Variants in IFT74 observed in about 807,000 individuals in gnomAD.
The protein encoded by IFT74 is intraflagellar transport protein 74 homolog.
In IFT74, 92 loss-of-function variants were observed where a neutral mutation model predicts 96.7. The observed-to-expected ratio is 0.95, with a 90% confidence interval of 0.80 to 1.13. The LOEUF is 1.13. IFT74 is among the 50% of genes most tolerant of loss of function. IFT74 has a pLI of 0.00. For missense variants in IFT74, 811 were observed against 698.2 expected (o/e 1.16, Z -1.82); for synonymous variants, 223 against 213.2 (o/e 1.05, Z -0.40).
intron 16 of IFT74, among the ~76,000 whole-genome samples, chr9:27,053,081 C>T (rs1226906196): frequency 1.3e-5 from 2 of 151,220 alleles, no homozygotes; most frequent in Non-Finnish European, 2.9e-5. Context: ...GCCAGGATGG[C>T]CTCGATCTCC....
chr9:26,998,445 A>G (rs930952518), intron 8 of IFT74, among the ~76,000 whole-genome samples: 6 of 152,176 alleles, frequency 3.9e-5, no homozygotes, highest in African/African-American at 1.2e-4. Context: ...TGATACATAC[A>G]ATTGAACAAA....
intron 8 of IFT74, chr9:26,995,915 T>A: frequency 8.9e-7 from 1 of 1,120,872 alleles, no homozygotes; most frequent in Non-Finnish European, 1.3e-6. Flanking sequence ...TAATCATAAT[T>A]ATATATCCTA....
At chr9:26,996,294 T>A (rs761988889) in intron 8 of IFT74, 28 of 1,450,902 alleles carry the variant, frequency 1.9e-5, no homozygotes, top group Non-Finnish European at 2.5e-5. Context: ...TGTTAATATA[T>A]AGAACCAGTA....
intron 8 of IFT74, chr9:26,996,576 A>G (rs1828172064): frequency 9.7e-7 from 1 of 1,033,612 alleles, no homozygotes; most frequent in Admixed American, 3.7e-5. Context: ...TTTTATCTAG[A>G]ATTTTTGACA....
At chr9:27,031,732 TAAATAAAATAAAATAAAATA>T (rs199561580) in intron 13 of IFT74, among the ~76,000 whole-genome samples, 24 of 127,946 alleles carry the variant, frequency 1.9e-4, no homozygotes, top group East Asian at 7.0e-4. Context: ...AATAAAATAA[TAAATAAAATAAAATAAAATA>T]AAATAAAATA....
intron 2 of IFT74, among the ~76,000 whole-genome samples, chr9:26,976,180 G>A (rs1462862081): frequency 6.6e-6 from 1 of 152,138 alleles, no homozygotes; most frequent in Non-Finnish European, 1.5e-5. Context: ...TGAGGCCACT[G>A]CAATGCGACA....
intron 13 of IFT74, among the ~76,000 whole-genome samples, chr9:27,041,385 T>C (rs1173521227): frequency 6.6e-6 from 1 of 152,154 alleles, no homozygotes; most frequent in East Asian, 1.9e-4. Context: ...CCTTTGAGAA[T>C]AGGGTGGAAA....
upstream of IFT74, among the ~76,000 whole-genome samples, chr9:26,954,761 C>T (rs1483439578): frequency 2.6e-5 from 4 of 151,872 alleles, no homozygotes; most frequent in East Asian, 7.7e-4. Flanking sequence ...GAACTTGAAA[C>T]ACAAGTAGTC....
intron 12 of IFT74, among the ~76,000 whole-genome samples, chr9:27,019,466 T>A (rs1829498520): frequency 6.6e-6 from 1 of 152,066 alleles, no homozygotes; most frequent in South Asian, 2.1e-4. Context: ...TATTGGTATT[T>A]GGCTTTATTT....
At chr9:26,982,075 ATCT>A (rs1050339178) in intron 4 of IFT74, among the ~76,000 whole-genome samples, 43 of 151,496 alleles carry the variant, frequency 2.8e-4, no homozygotes, top group African/African-American at 1.0e-3. Flanking sequence ...GCCAAGAATA[ATCT>A]TCTATGTTTT....
intron 2 of IFT74, among the ~76,000 whole-genome samples, chr9:26,969,522 T>C (rs1054208175): frequency 5.9e-5 from 9 of 152,138 alleles, no homozygotes; most frequent in African/African-American, 2.2e-4. Flanking sequence ...TAAAATCTTC[T>C]GCTAATATGT....
intron 13 of IFT74, among the ~76,000 whole-genome samples, chr9:27,033,573 C>CA (rs558712485): frequency 0.028 from 1,838 of 65,916 alleles, 21 homozygotes; most frequent in African/African-American, 0.045. Context: ...GACCCTGTCT[C>CA]AAAAAAAAAA....
At chr9:27,039,590 G>A (rs1158081974) in intron 13 of IFT74, among the ~76,000 whole-genome samples, 1 of 152,136 alleles carries the variant, frequency 6.6e-6, no homozygotes, top group Non-Finnish European at 1.5e-5. Flanking sequence ...TGTGTAGTTT[G>A]CCCTACAGTG....
chr9:26,965,855 C>T (rs112912833), intron 2 of IFT74, among the ~76,000 whole-genome samples: 3 of 152,094 alleles, frequency 2.0e-5, no homozygotes, highest in Non-Finnish European at 4.4e-5. Flanking sequence ...CATTGTTTAG[C>T]TCCCACTTAT....
intron 18 of IFT74, among the ~76,000 whole-genome samples, chr9:27,056,983 A>T (rs1236009333): frequency 1.3e-5 from 2 of 152,116 alleles, no homozygotes; most frequent in Non-Finnish European, 1.5e-5. Flanking sequence ...GCCATATTGT[A>T]CATATCATTT....
At chr9:26,996,172 G>A (rs7018585) in intron 8 of IFT74, 3 of 593,426 alleles carry the variant, frequency 5.1e-6, no homozygotes, top group African/African-American at 3.8e-5. Context: ...GTTTGGAAGA[G>A]CAATATTTTG....
intron 14 of IFT74, among the ~76,000 whole-genome samples, chr9:27,045,227 G>A (rs1819651352): frequency 6.6e-6 from 1 of 152,134 alleles, no homozygotes; most frequent in Admixed American, 6.5e-5. Context: ...GCGTATGAGG[G>A]ATCTAGGTTG....
intron 17 of IFT74, 38 bp downstream of exon 17, chr9:27,055,810 A>T: frequency 7.4e-7 from 1 of 1,357,732 alleles, no homozygotes; most frequent in Non-Finnish European, 9.8e-7. Context: ...TACAATTCAG[A>T]TTGTTTTTTT....
At chr9:26,964,879 A>T (rs1826539418) in intron 2 of IFT74, among the ~76,000 whole-genome samples, 2 of 152,292 alleles carry the variant, frequency 1.3e-5, no homozygotes, top group East Asian at 3.9e-4. Context: ...AGCTTAATAT[A>T]AGAGAGTGTG....
Sources: allele counts gnomAD v4.1 joint callset (sites outside exome capture counted in the v4.1 genomes callset), GRCh38; gene constraint gnomAD v4.1.1; transcripts MANE v1.5; gene names NCBI Gene and HGNC (gene_info 2026-07-23, HGNC 2026-07-21).